The following ZFPM2 variants were observed in gnomAD, a reference collection of about 807,000 sequenced individuals.
The protein encoded by ZFPM2 is zinc finger protein ZFPM2.
Under a neutral mutation model 98.6 loss-of-function variants are expected in ZFPM2, and 20 were observed. The ratio of observed to expected loss-of-function variants is 0.20; its 90% CI spans 0.14 to 0.29. The LOEUF is 0.29. Among genes scored for constraint, ZFPM2 ranks in the 10% least tolerant of loss-of-function variants. The pLI is 1.00. For synonymous variants in ZFPM2, 518 were observed against 502.7 expected (o/e 1.03, Z -0.41); for missense variants, 1,310 against 1,388.6 (o/e 0.94, Z 0.90).
At chr8:105,533,987 C>CT (rs1814367225) in intron 3 of ZFPM2, among the ~76,000 whole-genome samples, 1 of 37,046 alleles carries the variant, frequency 2.7e-5, no homozygotes, top group African/African-American at 1.5e-4. Flanking sequence ...CTCCCTCCTT[C>CT]CCTCCCTCTC....
At chr8:105,399,828 C>T (rs775777146) in intron 1 of ZFPM2, among the ~76,000 whole-genome samples, 21 of 152,166 alleles carry the variant, frequency 1.4e-4, no homozygotes, top group South Asian at 1.2e-3. Context: ...TGCAGTGGCG[C>T]GATCTCGGCT....
intron 3 of ZFPM2, among the ~76,000 whole-genome samples, chr8:105,515,124 A>G (rs1326289483): frequency 6.6e-6 from 1 of 152,230 alleles, no homozygotes; most frequent in Admixed American, 6.5e-5. Context: ...AATCTCTTGA[A>G]CTTTCTGTTA....
rs375652943 is a variant in ZFPM2 at position 105,701,032 on chromosome 8, T to C, written c.532+66675T>C. On this transcript the variant is annotated intron_variant, in intron 5 of 7. Transcript: ENST00000407775. ...TAGTGTGTTTTGTTGGTATTTTTGT[T>C]GGGATAATTAAATACACATTAAACT... 2.6e-4 allele frequency among the ~76,000 whole-genome samples: 39 copies of C among 152,362 alleles called. 1 individual carries two copies. The East Asian group carries it at 5.8e-3, about 23-fold the overall frequency.
chr8:105,454,274 G>A (rs1812544575), intron 3 of ZFPM2, among the ~76,000 whole-genome samples: 1 of 151,798 alleles, frequency 6.6e-6, no homozygotes, highest in Non-Finnish European at 1.5e-5. Context: ...TCCTGGTGGT[G>A]TTGTGTAGCA....
intron 4 of ZFPM2, among the ~76,000 whole-genome samples, chr8:105,607,152 T>C (rs1816213333): frequency 6.6e-6 from 1 of 152,180 alleles, no homozygotes; most frequent in Non-Finnish European, 1.5e-5. Context: ...ATGTTTTCTA[T>C]AGATTTACAG....
rs34183654 is a variant in ZFPM2, at chr8:105,515,911, CTTTT to C, written c.302-45432_302-45429del. ...TTGTGCAAGAAAGAAAAAACAACTTCTTTTTTTTTTTTTTTTTTTTTTTGAGATG... is the reference window on the plus strand; with the variant it reads ...TTGTGCAAGAAAGAAAAAACAACTTCTTTTTTTTTTTTTTTTTTTGAGATG... On this transcript the variant is annotated intron_variant, in intron 3 of 7. Transcript: ENST00000407775. Among the ~76,000 whole-genome samples the C allele has an allele frequency of 4.7e-3, 422 of 89,274 alleles. 1 individual carries two copies. Among genetic ancestry groups the C allele is most frequent in the African/African-American group, 0.019 (400 of 21,488 alleles). The allele number at this position is 89,274 out of a possible 152,430, so 58.6% of individuals were successfully genotyped here.
chr8:105,717,874 C>G (rs1811562870), intron 5 of ZFPM2, among the ~76,000 whole-genome samples: 1 of 151,564 alleles, frequency 6.6e-6, no homozygotes, highest in Admixed American at 6.6e-5. Flanking sequence ...GTTAAGGGAG[C>G]AGGCTCAGCA....
intron 5 of ZFPM2, among the ~76,000 whole-genome samples, chr8:105,748,464 A>G (rs1362630546): frequency 3.3e-5 from 5 of 152,076 alleles, no homozygotes; most frequent in Non-Finnish European, 7.4e-5. Flanking sequence ...TGAAGCATGT[A>G]TACATTTGCA....
chr8:105,395,299 C>T (rs149382591), intron 1 of ZFPM2, among the ~76,000 whole-genome samples: 33 of 152,220 alleles, frequency 2.2e-4, no homozygotes, highest in African/African-American at 7.0e-4. Flanking sequence ...TTTGTTTTCA[C>T]GGAATAAATG....
At chr8:105,429,945 TTTAA>T (rs1348580593) in intron 2 of ZFPM2, among the ~76,000 whole-genome samples, 2 of 152,160 alleles carry the variant, frequency 1.3e-5, no homozygotes, top group Non-Finnish European at 2.9e-5. Flanking sequence ...TTCACAATTG[TTTAA>T]TTATTTTTCT....
At chr8:105,347,165 A>G (rs1393340969) in intron 1 of ZFPM2, among the ~76,000 whole-genome samples, 2 of 151,436 alleles carry the variant, frequency 1.3e-5, no homozygotes, top group Non-Finnish European at 2.9e-5. Flanking sequence ...GGTGTCAGAT[A>G]GAAAAACGTA....
chr8:105,486,279 T>C (rs1017863016), intron 3 of ZFPM2, among the ~76,000 whole-genome samples: 3 of 152,162 alleles, frequency 2.0e-5, no homozygotes, highest in African/African-American at 7.2e-5. Context: ...TTTCTTAATA[T>C]ATGTATTATG....
chr8:105,594,360 A>T (rs1586486559), intron 4 of ZFPM2, among the ~76,000 whole-genome samples: 1 of 152,140 alleles, frequency 6.6e-6, no homozygotes, highest in African/African-American at 2.4e-5. Context: ...TTTAAAACAC[A>T]GAATGGACCT....
intron 5 of ZFPM2, among the ~76,000 whole-genome samples, chr8:105,651,437 T>C (rs1479115552): frequency 6.8e-6 from 1 of 146,066 alleles, no homozygotes; most frequent in Non-Finnish European, 1.5e-5. Context: ...CACTGCACTC[T>C]AGCCTGGGTG....
At chr8:105,462,431 C>T (rs750948879) in intron 3 of ZFPM2, among the ~76,000 whole-genome samples, 12 of 152,134 alleles carry the variant, frequency 7.9e-5, no homozygotes, top group South Asian at 4.1e-4. Flanking sequence ...GAAGGCTGGA[C>T]GAGGGAGAGA....
At position 105,803,298 on chromosome 8, in the gene ZFPM2, C is replaced by A; in HGVS notation, c.3216C>A (p.Asp1072Glu). 2 of 1,594,624 alleles carry A rather than the reference C, an allele frequency of 1.3e-6. No individual in the cohort carries two copies. The highest frequency in any genetic ancestry group is 1.7e-6 in the Non-Finnish European group (2 of 1,170,064). ...NISQNPQHEDDHKSPSWISEN... is the reference protein window; with the variant it reads ...NISQNPQHEDEHKSPSWISEN... ...CCCAGAATCCTCAGCACGAAGACGA[C>A]CACAAATCTCCCTCGTGGATCTCTG... The change falls in exon 8 of 8, where the codon GAC becomes GAA. Residue 1072 changes from aspartate to glutamate, a missense_variant. Physicochemically the swap from Asp to Glu is conservative, Grantham distance 45. Transcript: ENST00000407775.
chr8:105,545,676 C>T (rs1298558715), intron 3 of ZFPM2, among the ~76,000 whole-genome samples: 2 of 152,054 alleles, frequency 1.3e-5, no homozygotes, highest in African/African-American at 4.8e-5. Context: ...AGATAAAGAA[C>T]TCAATATAAT....
At chr8:105,480,336 GC>G (rs1487585230) in intron 3 of ZFPM2, among the ~76,000 whole-genome samples, 1 of 152,046 alleles carries the variant, frequency 6.6e-6, no homozygotes, top group Non-Finnish European at 1.5e-5. Context: ...ATCTTCCTAT[GC>G]CTGCATTCAT....
intron 5 of ZFPM2, among the ~76,000 whole-genome samples, chr8:105,669,152 T>C (rs2130900623): frequency 6.6e-6 from 1 of 152,182 alleles, no homozygotes; most frequent in Non-Finnish European, 1.5e-5. Flanking sequence ...TTATAACTAA[T>C]TACTGGGAAA....
Sources: allele counts gnomAD v4.1 joint callset (sites outside exome capture counted in the v4.1 genomes callset), GRCh38; gene constraint gnomAD v4.1.1; transcripts MANE v1.5; gene names NCBI Gene and HGNC (gene_info 2026-07-23, HGNC 2026-07-21).